The following CDH7 variants were observed in gnomAD, a reference collection of about 807,000 sequenced individuals.
The protein encoded by CDH7 is cadherin 7.
In CDH7, 25 loss-of-function variants were observed where a neutral mutation model predicts 71.8. The ratio of observed to expected loss-of-function variants is 0.35; its 90% CI spans 0.25 to 0.49. CDH7 has a LOEUF of 0.49. CDH7 is among the 20% of genes least tolerant of loss of function. The pLI, the probability that CDH7 is intolerant of heterozygous loss-of-function variation, is 0.99. For missense variants in CDH7, 862 were observed against 974.6 expected, an observed-to-expected ratio of 0.88 and a Z score of 1.54; for synonymous variants, 381 against 363.8, an observed-to-expected ratio of 1.05 and a Z score of -0.54.
At chr18:65,828,176 T>C (rs1463394044) in intron 6 of CDH7, among the ~76,000 whole-genome samples, 2 of 152,030 alleles carry the variant, frequency 1.3e-5, no homozygotes, top group Admixed American at 6.6e-5. Flanking sequence ...TATGTTCCAG[T>C]GTCCAAACAA....
chr18:65,765,840 A>G (rs1916345487), intron 2 of CDH7, among the ~76,000 whole-genome samples: 1 of 152,124 alleles, frequency 6.6e-6, no homozygotes, highest in African/African-American at 2.4e-5. Context: ...CAAATTGCCT[A>G]ATATCATTAA....
chr18:65,845,462 C>G (rs1457038773), intron 7 of CDH7, among the ~76,000 whole-genome samples: 1 of 152,014 alleles, frequency 6.6e-6, no homozygotes, highest in African/African-American at 2.4e-5. Flanking sequence ...AATTGCCCTG[C>G]CTTCATGGTC....
chr18:65,808,057 G>T (rs1431833130), intron 2 of CDH7, among the ~76,000 whole-genome samples: 1 of 152,130 alleles, frequency 6.6e-6, no homozygotes, highest in Non-Finnish European at 1.5e-5. Flanking sequence ...GCCACTTCAG[G>T]CAAAGTTCTT....
chr18:65,770,970 GT>G (rs917400977), intron 2 of CDH7, among the ~76,000 whole-genome samples: 1 of 152,142 alleles, frequency 6.6e-6, no homozygotes, highest in Non-Finnish European at 1.5e-5. Context: ...AGTCCACAAA[GT>G]GCCAGCAAAG....
intron 11 of CDH7, 52 bp downstream of exon 11, chr18:65,862,969 T>C (rs1293585794): frequency 1.3e-6 from 2 of 1,567,494 alleles, no homozygotes; most frequent in Non-Finnish European, 1.7e-6. Context: ...AATAACCACA[T>C]GTCACGACTT....
At chr18:65,824,513 A>G (rs541777865) in intron 5 of CDH7, 131 bp from the exon 6 acceptor site, 38 of 499,336 alleles carry the variant, frequency 7.6e-5, no homozygotes, top group Non-Finnish European at 1.2e-4. Context: ...TTTGTTTTCC[A>G]TTACCTTAGC....
rs1914300189 is a variant in CDH7, at chr18:65,883,856, G to A, written c.*2962G>A. 1 of 152,124 alleles carries A rather than the reference G, an allele frequency of 6.6e-6. No homozygotes were observed. The highest frequency in any genetic ancestry group is 6.5e-5 in the Admixed American group (1 of 15,268). 9.4% of individuals were successfully genotyped at this position (152,124 alleles called of 1,614,324 possible). Reference sequence around the variant, plus strand: ...TTACTACTAAATAACAATGTATGTGGTAGTGATTTCCTGAAGTGAAATCCT... The same window carrying A: ...TTACTACTAAATAACAATGTATGTGATAGTGATTTCCTGAAGTGAAATCCT... On this transcript the variant is annotated 3_prime_UTR_variant, in exon 12 of 12. Transcript: ENST00000397968.
intron 9 of CDH7, 34 bp from the exon 10 acceptor site, chr18:65,859,674 A>G (rs1023770566): frequency 7.1e-6 from 9 of 1,273,380 alleles, no homozygotes; most frequent in Middle Eastern, 1.8e-4. Flanking sequence ...TAGCACACCA[A>G]TGTGCTTTCA....
chr18:65,791,554 A>G (rs1028757276), intron 2 of CDH7, among the ~76,000 whole-genome samples: 4 of 152,170 alleles, frequency 2.6e-5, no homozygotes, highest in Admixed American at 1.3e-4. Flanking sequence ...ATCACAGACC[A>G]TGCTCTCCAT....
chr18:65,889,636 G>A lies in CDH7; in HGVS notation c.*8742G>A, dbSNP rs1914455997. 6.6e-6 allele frequency: 1 copy of A among 152,110 alleles called. No homozygotes were observed. 9.4% of individuals were successfully genotyped at this position (152,110 alleles called of 1,614,324 possible). A position where few individuals can be genotyped will look rare whatever the true frequency, so the allele number is the denominator to read the frequency against. On this transcript the variant is annotated 3_prime_UTR_variant, in exon 12 of 12. Coordinates refer to ENST00000397968, the MANE Select transcript of CDH7 (RefSeq NM_004361.5). Reference sequence around the variant, plus strand: ...TACAGAATACAACACAAGGAATAATGAAAAGATGATCTATGATGGTGTATA... The same window carrying A: ...TACAGAATACAACACAAGGAATAATAAAAAGATGATCTATGATGGTGTATA...
At chr18:65,875,610 G>A (rs1264737003) in intron 11 of CDH7, among the ~76,000 whole-genome samples, 3 of 152,140 alleles carry the variant, frequency 2.0e-5, no homozygotes, top group Non-Finnish European at 4.4e-5. Flanking sequence ...AAAAAGGCCG[G>A]GCGTGGTGGC....
At position 65,853,047 on chromosome 18, in the gene CDH7, C is replaced by A. The variant is rs74383540; in HGVS notation, c.1236-4769C>A. 6.7e-3 allele frequency among the ~76,000 whole-genome samples: 1,018 copies of A among 152,170 alleles called. 11 individuals are homozygous for A. Among genetic ancestry groups the A allele is most frequent in the East Asian group, 0.033 (171 of 5,178 alleles). On this transcript the variant is annotated intron_variant, in intron 7 of 11. Transcript: ENST00000397968. ...GGATATTGAGATACAGAGCTGTCAGCATAATAAGTGGATGGGGCAGAAGCT... is the reference window on the plus strand; with the variant it reads ...GGATATTGAGATACAGAGCTGTCAGAATAATAAGTGGATGGGGCAGAAGCT...
chr18:65,880,966 A>G lies in CDH7; in HGVS notation c.*72A>G. 2 of 1,415,928 alleles carry G rather than the reference A, an allele frequency of 1.4e-6. No individual in the cohort carries two copies. Among genetic ancestry groups the G allele is most frequent in the South Asian group, 1.4e-5 (1 of 69,550 alleles). The allele number at this position is 1,415,928 out of a possible 1,614,324, so 87.7% of individuals were successfully genotyped here. A position where few individuals can be genotyped will look rare whatever the true frequency, so the allele number is the denominator to read the frequency against. ...AAAATAAAATAAAATGAAATAAAAT[A>G]ATAAACCACTACATACAGAAAACAA... On this transcript the variant is annotated 3_prime_UTR_variant, in exon 12 of 12. Coordinates refer to ENST00000397968, the MANE Select transcript of CDH7 (RefSeq NM_004361.5).
In CDH7 at chr18:65,826,875, G is replaced by A. The variant is rs142337195; in HGVS notation, c.981+2044G>A. Among the ~76,000 whole-genome samples the A allele has an allele frequency of 3.6e-3, 537 of 151,050 alleles. 6 individuals carry two copies. Among genetic ancestry groups the A allele is most frequent in the African/African-American group, 0.011 (463 of 41,260 alleles). ...ATGGTTTTCAGTGGGTTCAAATTTC[G>A]TGTATTGTTGAAGTTCTTAAGTTTG... On this transcript the variant is annotated intron_variant, in intron 6 of 11. Transcript: ENST00000397968.
At chr18:65,799,051 C>T (rs1911019137) in intron 2 of CDH7, among the ~76,000 whole-genome samples, 1 of 152,102 alleles carries the variant, frequency 6.6e-6, no homozygotes, top group South Asian at 2.1e-4. Flanking sequence ...GCAAGTGGTA[C>T]TCATCACATC....
intron 11 of CDH7, among the ~76,000 whole-genome samples, chr18:65,868,086 G>T (rs1599063945): frequency 6.6e-6 from 1 of 151,504 alleles, no homozygotes; most frequent in African/African-American, 2.4e-5. Flanking sequence ...GCAGCACTAT[G>T]TAAAAAAATG....
chr18:65,877,484 T>C (rs1483104761), intron 11 of CDH7, among the ~76,000 whole-genome samples: 1 of 152,130 alleles, frequency 6.6e-6, no homozygotes, highest in African/African-American at 2.4e-5. Flanking sequence ...TAGACATTGA[T>C]TTAAATTAAG....
intron 1 of CDH7, among the ~76,000 whole-genome samples, chr18:65,757,492 T>C (rs1052931606): frequency 6.6e-6 from 1 of 152,222 alleles, no homozygotes; most frequent in African/African-American, 2.4e-5. Context: ...GTGATTTTCA[T>C]GTATTTCAGT....
chr18:65,865,933 A>G (rs548135934), intron 11 of CDH7: 1 of 152,282 alleles, frequency 6.6e-6, no homozygotes, highest in African/African-American at 2.4e-5. Context: ...CTTCTGAACA[A>G]ATATTACTGG....
Sources: gnomAD v4.1 joint callset for allele counts (sites outside exome capture counted in the v4.1 genomes callset) on GRCh38, gnomAD v4.1.1 for gene constraint, MANE v1.5 for transcripts, NCBI Gene and HGNC (gene_info 2026-07-23, HGNC 2026-07-21) for gene names.